Variants in RNF220 observed in about 807,000 individuals in gnomAD.
RNF220 encodes the protein ring finger protein 220.
RNF220 carries 7 observed loss-of-function variants against 67.1 expected under a neutral mutation model. The ratio of observed to expected loss-of-function variants is 0.10; its 90% CI spans 0.06 to 0.20. The LOEUF (loss-of-function observed/expected upper bound fraction) is 0.20. Among genes scored for constraint, RNF220 ranks in the 10% least tolerant of loss-of-function variants. The pLI, the probability that RNF220 is intolerant of heterozygous loss-of-function variation, is 1.00. For synonymous variants in RNF220, 270 were observed against 283.2 expected, an observed-to-expected ratio of 0.95 and a Z score of 0.47; for missense variants, 565 against 740.3, an observed-to-expected ratio of 0.76 and a Z score of 2.75.
At chr1:44,533,352 C>T (rs1183261969) in intron 2 of RNF220, among the ~76,000 whole-genome samples, 1 of 151,960 alleles carries the variant, frequency 6.6e-6, no homozygotes, top group African/African-American at 2.4e-5. Context: ...ATGAGCTGAG[C>T]ATAGTGGTGC....
chr1:44,475,317 T>G (rs1438244478), intron 2 of RNF220, among the ~76,000 whole-genome samples: 1 of 152,144 alleles, frequency 6.6e-6, no homozygotes, highest in Admixed American at 6.5e-5. Flanking sequence ...ATGCCTGTAA[T>G]CCCAGCACTT....
At chr1:44,627,265 A>T (rs1156601166) in intron 5 of RNF220, among the ~76,000 whole-genome samples, 1 of 145,526 alleles carries the variant, frequency 6.9e-6, no homozygotes, top group African/African-American at 2.6e-5. Flanking sequence ...GAATCACTTG[A>T]ACCCGGGAGG....
chr1:44,557,151 T>G (rs1042336052), intron 2 of RNF220, among the ~76,000 whole-genome samples: 70 of 146,640 alleles, frequency 4.8e-4, no homozygotes, highest in Non-Finnish European at 8.2e-4. Flanking sequence ...CGTATGTATA[T>G]ATAATATATA....
rs1644785838 is a variant in RNF220 at position 44,651,508 on chromosome 1, A to T, written c.*733A>T. 1 of 152,980 alleles carries T rather than the reference A, an allele frequency of 6.5e-6. No individual in the cohort carries two copies. The highest frequency in any genetic ancestry group is 1.5e-5 in the Non-Finnish European group (1 of 68,342). The allele number at this position is 152,980 out of a possible 1,614,324, so 9.5% of individuals were successfully genotyped here. A position where few individuals can be genotyped will look rare whatever the true frequency, so the allele number is the denominator to read the frequency against. The stretch of plus-strand genomic sequence containing the variant: ...GGGAACCGAGCTGAAGCAGAGGCTG[A>T]GTTAGGGGGCTAGAGGACAGTGCTC... On this transcript the variant is annotated 3_prime_UTR_variant, in exon 15 of 15. Coordinates refer to ENST00000361799, the MANE Select transcript of RNF220 (RefSeq NM_018150.4).
chr1:44,485,285 C>G (rs1272278567), intron 2 of RNF220, among the ~76,000 whole-genome samples: 1 of 152,198 alleles, frequency 6.6e-6, no homozygotes, highest in Non-Finnish European at 1.5e-5. Flanking sequence ...TCCCTCCCCC[C>G]AATCTCCTGC....
At chr1:44,634,598 A>G (rs1573139783) in intron 6 of RNF220, among the ~76,000 whole-genome samples, 1 of 152,320 alleles carries the variant, frequency 6.6e-6, no homozygotes, top group East Asian at 1.9e-4. Flanking sequence ...CTGGTCCCAG[A>G]GTAGCCATCT....
intron 2 of RNF220, among the ~76,000 whole-genome samples, chr1:44,603,589 A>G (rs977750093): frequency 1.3e-5 from 2 of 152,166 alleles, no homozygotes; most frequent in Non-Finnish European, 2.9e-5. Context: ...TGACAAATTC[A>G]TCTTGGACGA....
At chr1:44,446,261 C>T (rs901056291) in intron 2 of RNF220, among the ~76,000 whole-genome samples, 10 of 152,208 alleles carry the variant, frequency 6.6e-5, no homozygotes, top group African/African-American at 1.9e-4. Flanking sequence ...TTTTATGCTT[C>T]GGTTAAAAAG....
At position 44,632,401 on chromosome 1, in the gene RNF220, C is replaced by CCCCCG; in HGVS notation, c.949+19_949+20insCGCCC. ...CGACTGAATGGTGAGTCCTGCCCGGCCCCTCCCTCCGCCCCACCCCCGGCC... is the reference window on the plus strand; with the variant it reads ...CGACTGAATGGTGAGTCCTGCCCGGCCCCCGCCCTCCCTCCGCCCCACCCCCGGCC... On this transcript the variant is annotated intron_variant, in intron 6 of 14. Coordinates refer to ENST00000361799, the MANE Select transcript of RNF220 (RefSeq NM_018150.4). The CCCCCG allele has an allele frequency of 6.3e-7, 1 of 1,596,298 alleles. No homozygotes were observed.
At chr1:44,429,837 A>G (rs1290541115) in intron 2 of RNF220, among the ~76,000 whole-genome samples, 3 of 152,198 alleles carry the variant, frequency 2.0e-5, no homozygotes, top group Non-Finnish European at 4.4e-5. Flanking sequence ...ATTTAAATAC[A>G]AATATCCTTT....
In RNF220 at chr1:44,565,412, G is replaced by A. The variant is rs1475678274; in HGVS notation, c.626-48753G>A. Among the ~76,000 whole-genome samples the A allele has an allele frequency of 6.6e-6, 1 of 152,214 alleles. No individual in the cohort carries two copies. Among genetic ancestry groups the A allele is most frequent in the African/African-American group, 2.4e-5 (1 of 41,444 alleles). On this transcript the variant is annotated intron_variant, in intron 2 of 14. Coordinates refer to ENST00000361799, the MANE Select transcript of RNF220 (RefSeq NM_018150.4). This position sits in a 1 kb window ranked among gnomAD's most constrained non-coding sequence, Gnocchi z 4.2. ...AGCACCTCAGCCAGGGAGTAATGGA[G>A]TTAGGGAGGAAGGGCCCAGGCAGAG...
At chr1:44,537,855 A>G (rs772467974) in intron 2 of RNF220, among the ~76,000 whole-genome samples, 13 of 152,338 alleles carry the variant, frequency 8.5e-5, no homozygotes, top group East Asian at 5.8e-4. Context: ...GCCTCTGCCA[A>G]TGTGGCTGGA....
At chr1:44,629,204 G>A (rs372157362) in intron 5 of RNF220, among the ~76,000 whole-genome samples, 113 of 152,364 alleles carry the variant, frequency 7.4e-4, no homozygotes, top group African/African-American at 2.6e-3. Context: ...AAGCCGCAAG[G>A]CCTGTTGAGG....
intron 2 of RNF220, among the ~76,000 whole-genome samples, chr1:44,486,083 C>T (rs1486134916): frequency 1.3e-5 from 2 of 151,656 alleles, no homozygotes; most frequent in Non-Finnish European, 2.9e-5. Flanking sequence ...CTCTTTTCTC[C>T]CTATTATTCA....
chr1:44,633,265 T>G (rs891552925), intron 6 of RNF220, among the ~76,000 whole-genome samples: 4 of 152,210 alleles, frequency 2.6e-5, no homozygotes, highest in African/African-American at 9.6e-5. Flanking sequence ...ACACCTTTTG[T>G]GAATAAGAAA....
Position 44,631,873 on chromosome 1 carries a change from G to A in RNF220, c.907-470G>A, listed in dbSNP as rs1165764796. 8.1e-6 allele frequency: 8 copies of A among 982,986 alleles called. No homozygotes were observed. The South Asian group carries it at 2.4e-4, about 29-fold the overall frequency. The allele number at this position is 982,986 out of a possible 1,614,324, so 60.9% of individuals were successfully genotyped here. ...GGGAGGCTTCTGCCGGTTGCTACCC[G>A]AGTACAAACGGCAGCTTCCTGGTCT... On this transcript the variant is annotated intron_variant, in intron 5 of 14. Transcript: ENST00000361799.
chr1:44,407,425 G>A (rs1429359649), intron 1 of RNF220, among the ~76,000 whole-genome samples: 1 of 152,212 alleles, frequency 6.6e-6, no homozygotes, highest in Non-Finnish European at 1.5e-5. Context: ...TGAGCAGAGG[G>A]GGGAAAGGCA....
chr1:44,578,820 A>G (rs1000303642), intron 2 of RNF220, among the ~76,000 whole-genome samples: 18 of 152,178 alleles, frequency 1.2e-4, no homozygotes, highest in African/African-American at 4.1e-4. Context: ...ATATTTATTG[A>G]GTGCTCACAG....
chr1:44,452,276 G>A (rs959099789), intron 2 of RNF220, among the ~76,000 whole-genome samples: 1 of 152,176 alleles, frequency 6.6e-6, no homozygotes, highest in Non-Finnish European at 1.5e-5. Flanking sequence ...GAGGCCAGCT[G>A]GGTGCGGTGG....
Sources: gnomAD v4.1 joint callset for allele counts (sites outside exome capture counted in the v4.1 genomes callset) on GRCh38, gnomAD v4.1.1 for gene constraint, Gnocchi (gnomAD v3.1) non-coding constraint, MANE v1.5 for transcripts, NCBI Gene and HGNC (gene_info 2026-07-23, HGNC 2026-07-21) for gene names.